IL1RAPL2: variants seen among roughly 807,000 people sequenced by gnomAD.
The protein encoded by IL1RAPL2 is interleukin 1 receptor accessory protein like 2, also known as X-linked interleukin-1 receptor accessory protein-like 2.
IL1RAPL2 carries 3 observed loss-of-function variants against 44.1 expected under a neutral mutation model. The ratio of observed to expected loss-of-function variants is 0.07; its 90% CI spans 0.03 to 0.18. IL1RAPL2 has a LOEUF of 0.18. Among genes scored for constraint, IL1RAPL2 ranks in the 10% least tolerant of loss-of-function variants. The pLI, the probability that IL1RAPL2 is intolerant of heterozygous loss-of-function variation, is 1.00. For synonymous variants in IL1RAPL2, 181 were observed against 178.8 expected, an observed-to-expected ratio of 1.01 and a Z score of -0.10; for missense variants, 391 against 496.4, an observed-to-expected ratio of 0.79 and a Z score of 2.02.
intron 10 of IL1RAPL2, among the ~76,000 whole-genome samples, chrX:105,766,438 G>GTAGT (rs1357009706): frequency 2.7e-5 from 3 of 111,729 alleles, no homozygotes; most frequent in African/African-American, 3.3e-5. Context: ...TATCTCTCAA[G>GTAGT]TAGTTAGTAT....
rs1301902692 is a variant in IL1RAPL2 at position 105,659,148 on chromosome X, A to G, written c.773-58219A>G. ...TCTCAAAAAACAAAACAAAAAGAAA[A>G]CAAACAACAGCAACAACAAAAAACC... On this transcript the variant is annotated intron_variant, in intron 6 of 10. Coordinates refer to ENST00000372582, the MANE Select transcript of IL1RAPL2 (RefSeq NM_017416.2). Among the ~76,000 whole-genome samples the G allele has an allele frequency of 4.6e-5, 5 of 109,675 alleles. No homozygotes were observed. In the Admixed American group the frequency reaches 4.9e-4, roughly 11 times the overall value.
chrX:105,016,799 GT>G (rs1482883824), intron 2 of IL1RAPL2, among the ~76,000 whole-genome samples: 3 of 111,254 alleles, frequency 2.7e-5, no homozygotes, highest in Non-Finnish European at 5.7e-5. Flanking sequence ...TCTCTGCCAG[GT>G]TTTGGTATCA....
chrX:105,075,059 C>A (rs1351087656), intron 2 of IL1RAPL2, among the ~76,000 whole-genome samples: 17 of 111,279 alleles, frequency 1.5e-4, no homozygotes, highest in African/African-American at 5.6e-4. Context: ...ATTGCCCTGG[C>A]CAGACCTTCC....
At chrX:104,659,035 T>A in intron 2 of IL1RAPL2, 40 bp downstream of exon 2, 1 of 1,025,822 alleles carries the variant, frequency 9.7e-7, no homozygotes, top group Non-Finnish European at 1.4e-6. Context: ...GTCAAAAATG[T>A]ACAGTTTTGT....
chrX:105,600,277 T>C (rs1046373866), intron 6 of IL1RAPL2, among the ~76,000 whole-genome samples: 41 of 110,917 alleles, frequency 3.7e-4, no homozygotes, highest in African/African-American at 1.3e-3. Flanking sequence ...TGAACATTTT[T>C]ATACCTGCAC....
At chrX:105,562,312 T>C (rs2036944082) in intron 6 of IL1RAPL2, among the ~76,000 whole-genome samples, 1 of 111,340 alleles carries the variant, frequency 9.0e-6, no homozygotes, top group Non-Finnish European at 1.9e-5. Flanking sequence ...ATATAATACA[T>C]TGTTATGAAA....
Position 104,855,681 on chromosome X carries a change from G to GTGTT in IL1RAPL2, c.82+196687_82+196688insGTTT. Among the ~76,000 whole-genome samples, 46 of 53,865 alleles carry GTGTT rather than the reference G, an allele frequency of 8.5e-4. 7 individuals carry two copies. Among genetic ancestry groups the GTGTT allele is most frequent in the Non-Finnish European group, 1.8e-3 (44 of 24,623 alleles). The allele number at this position is 53,865 out of a possible 115,157, so 46.8% of individuals were successfully genotyped here. On this transcript the variant is annotated intron_variant, in intron 2 of 10. Transcript: ENST00000372582. ...TTAACTGTGCTAAGGATCTGGATCCGTTTTTTTTTTTTTTTTTACTGTATC... is the reference window on the plus strand; with the variant it reads ...TTAACTGTGCTAAGGATCTGGATCCGTGTTTTTTTTTTTTTTTTTTTACTGTATC...
intron 2 of IL1RAPL2, among the ~76,000 whole-genome samples, chrX:104,907,314 T>C (rs757579342): frequency 2.0e-4 from 22 of 111,638 alleles, no homozygotes; most frequent in Non-Finnish European, 2.8e-4. Context: ...CAGTTCTGCT[T>C]TGATTTCAGT....
chrX:105,305,170 A>G (rs1178024758), intron 5 of IL1RAPL2, among the ~76,000 whole-genome samples: 2 of 111,513 alleles, frequency 1.8e-5, no homozygotes, highest in African/African-American at 3.3e-5. Flanking sequence ...ACATCTTAAC[A>G]TGAGATTTCA....
chrX:105,131,289 AC>A (rs2033024004), intron 2 of IL1RAPL2, among the ~76,000 whole-genome samples: 1 of 110,311 alleles, frequency 9.1e-6, no homozygotes, highest in South Asian at 3.8e-4. Flanking sequence ...GGGTTAGCAA[AC>A]TTTTTATTTT....
intron 3 of IL1RAPL2, among the ~76,000 whole-genome samples, chrX:105,230,033 G>A (rs1171252810): frequency 1.8e-5 from 2 of 111,774 alleles, no homozygotes; most frequent in South Asian, 3.7e-4. Flanking sequence ...TCCTGACCTC[G>A]TGATCCACCC....
intron 6 of IL1RAPL2, among the ~76,000 whole-genome samples, chrX:105,594,379 G>A (rs943666139): frequency 1.8e-5 from 2 of 111,630 alleles, no homozygotes; most frequent in Non-Finnish European, 3.8e-5. Flanking sequence ...GCATGACTGT[G>A]TCTTAGTATT....
intron 1 of IL1RAPL2, among the ~76,000 whole-genome samples, chrX:104,651,064 TATCATC>T (rs1408335167): frequency 4.5e-5 from 5 of 112,238 alleles, no homozygotes; most frequent in Non-Finnish European, 7.5e-5. Context: ...AATAAATTAT[TATCATC>T]ATAAAGTATA....
chrX:105,666,328 T>C (rs930898843), intron 6 of IL1RAPL2, among the ~76,000 whole-genome samples: 1 of 110,535 alleles, frequency 9.0e-6, no homozygotes, highest in African/African-American at 3.3e-5. Context: ...TCTGGTCCCG[T>C]GGTGCCAACA....
chrX:105,551,081 G>A (rs2036849908), intron 6 of IL1RAPL2, among the ~76,000 whole-genome samples: 1 of 110,435 alleles, frequency 9.1e-6, no homozygotes, highest in Non-Finnish European at 1.9e-5. Context: ...AGTGAATAGT[G>A]GTAGAACAGG....
At chrX:105,047,995 T>A (rs2031864125) in intron 2 of IL1RAPL2, among the ~76,000 whole-genome samples, 1 of 110,677 alleles carries the variant, frequency 9.0e-6, no homozygotes, top group Non-Finnish European at 1.9e-5. Flanking sequence ...CAGCCTGAAG[T>A]ATCTGTTTTA....
rs1242388175 is a variant in IL1RAPL2, at chrX:105,269,145, T to C, written c.697+1604T>C. On this transcript the variant is annotated intron_variant, in intron 5 of 10. Transcript: ENST00000372582. ...ATGCCAACATCAGCCAGTTGGTTAA[T>C]TTATAACATACTCTTTCTAATGTTA... Among the ~76,000 whole-genome samples the C allele has an allele frequency of 3.6e-5, 4 of 111,417 alleles. No homozygotes were observed. The East Asian group carries it at 1.1e-3, about 31-fold the overall frequency.
At chrX:104,761,893 C>T (rs779805644) in intron 2 of IL1RAPL2, among the ~76,000 whole-genome samples, 32 of 56,069 alleles carry the variant, frequency 5.7e-4, no homozygotes, top group South Asian at 1.0e-3. Context: ...TTCTCCTTCT[C>T]CTTCTCCTTC....
At chrX:104,840,837 G>C (rs927357620) in intron 2 of IL1RAPL2, among the ~76,000 whole-genome samples, 1 of 108,058 alleles carries the variant, frequency 9.3e-6, no homozygotes, top group Non-Finnish European at 1.9e-5. Context: ...ACCACACCCA[G>C]TTATTATTTA....
Sources: gnomAD v4.1 joint callset for allele counts (sites outside exome capture counted in the v4.1 genomes callset) on GRCh38, gnomAD v4.1.1 for gene constraint, MANE v1.5 for transcripts, NCBI Gene and HGNC (gene_info 2026-07-23, HGNC 2026-07-21) for gene names.